Variants in NOTCH2 observed in about 807,000 individuals in gnomAD.
NOTCH2 encodes the protein neurogenic locus notch homolog protein 2.
NOTCH2 carries 29 observed loss-of-function variants against 235.8 expected under a neutral mutation model. The observed-to-expected ratio is 0.12, with a 90% CI of 0.09 to 0.17. NOTCH2 has a LOEUF of 0.17. Ranked by LOEUF, NOTCH2 falls within the 10% of genes least tolerant of loss-of-function variation. The probability of loss-of-function intolerance (pLI) is 1.00; values close to 1 mark genes in which losing one functional copy is unlikely to be tolerated. For missense variants in NOTCH2, 2,285 were observed against 3,150.2 expected (o/e 0.73, Z 6.57); for synonymous variants, 1,086 against 1,141.5 (o/e 0.95, Z 0.98).
Position 119,963,811 on chromosome 1 carries a change from T to C in NOTCH2, c.1682-4A>G. The C allele has an allele frequency of 6.2e-7, 1 of 1,612,558 alleles. No homozygotes were observed. Among genetic ancestry groups the C allele is most frequent in the African/African-American group, 1.3e-5 (1 of 74,956 alleles). The stretch of plus-strand genomic sequence containing the variant: ...TCACACAACACACCAGTGAAACCTT[T>C]GGAAAGAATTTTATCAAGGATTCTC... On this transcript the variant is annotated splice_polypyrimidine_tract_variant and splice_region_variant and intron_variant, in intron 10 of 33. Coordinates refer to ENST00000256646, the MANE Select transcript of NOTCH2 (RefSeq NM_024408.4).
rs1553211100 is a variant in NOTCH2, at chr1:120,032,404, C to A, written c.74-2417G>T. ...ATCACGGCCTGTTCCTATTAAGTGTCCTGACAAATCATTACAGTGACAGGT... is the reference window on the plus strand; with the variant it reads ...ATCACGGCCTGTTCCTATTAAGTGTACTGACAAATCATTACAGTGACAGGT... On this transcript the variant is annotated intron_variant, in intron 1 of 33. Coordinates refer to ENST00000256646, the MANE Select transcript of NOTCH2 (RefSeq NM_024408.4). 1.5e-5 allele frequency among the ~76,000 whole-genome samples: 2 copies of A among 137,752 alleles called. 1 individual carries two copies. The highest frequency in any genetic ancestry group is 4.9e-4 in the South Asian group (2 of 4,062). The allele number at this position is 137,752 out of a possible 152,430, so 90.4% of individuals were successfully genotyped here. A position where few individuals can be genotyped will look rare whatever the true frequency, so the allele number is the denominator to read the frequency against.
intron 2 of NOTCH2, among the ~76,000 whole-genome samples, chr1:120,011,770 A>T (rs1395034469): frequency 6.6e-6 from 1 of 152,104 alleles, no homozygotes; most frequent in Non-Finnish European, 1.5e-5. Flanking sequence ...TAATCTCAGC[A>T]CTTTGGGAGA....
At position 119,955,204 on chromosome 1, in the gene NOTCH2, C is replaced by T. The variant is rs1557820492; in HGVS notation, c.2055G>A (p.Glu685=). Reference sequence around the variant, plus strand: ...CCTTGCGACAGGGATTGGAGGCACACTCATCAATGTCAATGTTACATCTCT... The same window carrying T: ...CCTTGCGACAGGGATTGGAGGCACATTCATCAATGTCAATGTTACATCTCT... The part of the protein sequence containing the change: ...TGQRCNIDID[E]CASNPCRKGA... The change falls in exon 13 of 34, where the codon GAG becomes GAA. Residue 685 remains glutamate (E), a synonymous_variant. Transcript: ENST00000256646. 1 of 1,614,130 alleles carries T rather than the reference C, an allele frequency of 6.2e-7. No individual in the cohort carries two copies. Among genetic ancestry groups the T allele is most frequent in the Non-Finnish European group, 8.5e-7 (1 of 1,179,982 alleles).
At chr1:120,068,916 C>G (rs1553217637) in intron 1 of NOTCH2, 2 of 813,434 alleles carry the variant, frequency 2.5e-6, no homozygotes, top group African/African-American at 2.0e-5. Flanking sequence ...GCCCTGCCCC[C>G]GCTCTCCACG....
intron 17 of NOTCH2, 37 bp from the exon 18 acceptor site, chr1:119,941,791 A>G (rs2101106104): frequency 1.0e-5 from 15 of 1,453,212 alleles, no homozygotes; most frequent in Non-Finnish European, 1.5e-5. Flanking sequence ...TCTGAAGAGT[A>G]GCATCAGTTT....
At chr1:119,969,428 G>C in intron 6 of NOTCH2, 83 bp downstream of exon 6, 1 of 1,125,696 alleles carries the variant, frequency 8.9e-7, no homozygotes, top group East Asian at 2.5e-5. Flanking sequence ...CAAAGAATAT[G>C]CTGTTTGGGA....
chr1:119,911,622 C>A lies in NOTCH2; in HGVS notation c.*3684G>T, dbSNP rs966161358. 4.3e-6 allele frequency: 1 copy of A among 232,220 alleles called. No individual in the cohort carries two copies. Among genetic ancestry groups the A allele is most frequent in the East Asian group, 6.1e-5 (1 of 16,304 alleles). The allele number at this position is 232,220 out of a possible 1,614,324, so 14.4% of individuals were successfully genotyped here. On this transcript the variant is annotated 3_prime_UTR_variant, in exon 34 of 34. Transcript: ENST00000256646. ...TGTGAACTTATAACAAATTTATACA[C>A]AAAATATTATTTTATAATCCTGTAT...
chr1:119,937,068 G>A (rs1461256735), intron 21 of NOTCH2, among the ~76,000 whole-genome samples: 2 of 152,134 alleles, frequency 1.3e-5, no homozygotes, highest in Non-Finnish European at 2.9e-5. Flanking sequence ...AGCTGGGATG[G>A]TTCCAGACGC....
At chr1:119,976,722 T>C (rs978709752) in intron 5 of NOTCH2, among the ~76,000 whole-genome samples, 10 of 152,134 alleles carry the variant, frequency 6.6e-5, no homozygotes, top group Non-Finnish European at 1.3e-4. Flanking sequence ...CAGTGTTTTC[T>C]GCCTATCTCT....
At chr1:119,952,874 T>C (rs782815015) in intron 14 of NOTCH2, among the ~76,000 whole-genome samples, 7 of 152,254 alleles carry the variant, frequency 4.6e-5, no homozygotes, top group South Asian at 2.1e-4. Flanking sequence ...ATTACTACTA[T>C]CTTAATTATA....
intron 1 of NOTCH2, among the ~76,000 whole-genome samples, chr1:120,060,545 A>G (rs369048041): frequency 1.3e-5 from 2 of 151,354 alleles, no homozygotes; most frequent in East Asian, 3.9e-4. Context: ...TAATGGCAGC[A>G]TGATTGTGGA....
At chr1:119,960,596 A>T (rs1650898365) in intron 11 of NOTCH2, among the ~76,000 whole-genome samples, 1 of 152,094 alleles carries the variant, frequency 6.6e-6, no homozygotes, top group Non-Finnish European at 1.5e-5. Flanking sequence ...GACTAAAAAT[A>T]AAAACTGGTA....
chr1:119,949,412 A>G (rs1435741311), intron 15 of NOTCH2, among the ~76,000 whole-genome samples: 156 of 123,478 alleles, frequency 1.3e-3, no homozygotes, highest in Middle Eastern at 5.3e-3. Context: ...TTTGAGACGG[A>G]GTCTCACTCT....
At chr1:120,010,676 C>T (rs185541848) in intron 2 of NOTCH2, among the ~76,000 whole-genome samples, 8,611 of 152,022 alleles carry the variant, frequency 0.057, 223 homozygotes, top group African/African-American at 0.12. Context: ...AGTGAAATTA[C>T]TGGCTGACTA....
At chr1:119,960,303 A>G (rs1650884648) in intron 11 of NOTCH2, among the ~76,000 whole-genome samples, 1 of 152,168 alleles carries the variant, frequency 6.6e-6, no homozygotes, top group Non-Finnish European at 1.5e-5. Context: ...TCAGTATTGT[A>G]GGCTAAATTT....
chr1:119,938,634 G>A (rs1330050044), intron 19 of NOTCH2, among the ~76,000 whole-genome samples: 2 of 151,978 alleles, frequency 1.3e-5, no homozygotes, highest in African/African-American at 2.4e-5. Context: ...GCACTCATAT[G>A]ATTATCATAG....
chr1:120,069,638 T>C lies in NOTCH2; in HGVS notation c.-232A>G. ...GCCGCCCGAAGTTTGGCTGAAACTT[T>C]CTCGGGTGTGCAACGAAGCAGCCTC... On this transcript the variant is annotated 5_prime_UTR_variant, in exon 1 of 34. Transcript: ENST00000256646. 7.2e-7 allele frequency: 1 copy of C among 1,393,680 alleles called. No individual in the cohort carries two copies. The highest frequency in any genetic ancestry group is 9.3e-7 in the Non-Finnish European group (1 of 1,079,222). The allele number at this position is 1,393,680 out of a possible 1,614,324, so 86.3% of individuals were successfully genotyped here.
At chr1:120,039,439 C>G (rs1203152957) in intron 1 of NOTCH2, among the ~76,000 whole-genome samples, 1 of 145,002 alleles carries the variant, frequency 6.9e-6, no homozygotes, top group Non-Finnish European at 1.5e-5. Context: ...GATGGAGTCT[C>G]GCTCTGTCGC....
At chr1:119,946,236 G>A (rs1164270576) in intron 17 of NOTCH2, among the ~76,000 whole-genome samples, 4 of 151,150 alleles carry the variant, frequency 2.6e-5, no homozygotes, top group Admixed American at 2.0e-4. Context: ...CTATATATTT[G>A]GAAGAAAACA....
Sources: gnomAD v4.1 joint callset for allele counts (sites outside exome capture counted in the v4.1 genomes callset) on GRCh38, gnomAD v4.1.1 for gene constraint, MANE v1.5 for transcripts, NCBI Gene and HGNC (gene_info 2026-07-23, HGNC 2026-07-21) for gene names.